The following ATP8A2 variants were observed in gnomAD, a reference collection of about 807,000 sequenced individuals.
The protein encoded by ATP8A2 is ATPase phospholipid transporting 8A2.
A neutral mutation model predicts 165.6 loss-of-function variants in ATP8A2; 100 were observed. The observed-to-expected ratio is 0.60, with a 90% CI of 0.51 to 0.71. ATP8A2 has a LOEUF of 0.71. ATP8A2 is among the 30% of genes least tolerant of loss of function. The pLI is 0.00. For missense variants in ATP8A2, 1,227 were observed against 1,479.5 expected, an observed-to-expected ratio of 0.83 and a Z score of 2.80; for synonymous variants, 543 against 548.8, an observed-to-expected ratio of 0.99 and a Z score of 0.15.
rs1020468387 is a variant in ATP8A2, at chr13:25,890,379, TTAGA to T, written c.3183+27976_3183+27979del. On this transcript the variant is annotated intron_variant, in intron 33 of 36. Coordinates refer to ENST00000381655, the MANE Select transcript of ATP8A2 (RefSeq NM_016529.6). Reference sequence around the variant, plus strand: ...TAACAGAACGCCTGGTACACAAATATTAGATAGAAGAAAAATGTACATCAGTTAA... The same window carrying T: ...TAACAGAACGCCTGGTACACAAATATTAGAAGAAAAATGTACATCAGTTAA... 7.9e-5 allele frequency among the ~76,000 whole-genome samples: 12 copies of T among 152,312 alleles called. No homozygotes were observed. The East Asian group carries it at 9.7e-4, about 12-fold the overall frequency.
chr13:26,003,036 A>G (rs1004522076), intron 35 of ATP8A2, among the ~76,000 whole-genome samples: 11 of 152,106 alleles, frequency 7.2e-5, no homozygotes, highest in Admixed American at 6.6e-4. Flanking sequence ...CCTTTGGATT[A>G]TATACCCAGA....
At chr13:25,924,573 C>T (rs1954545546) in intron 33 of ATP8A2, among the ~76,000 whole-genome samples, 2 of 152,072 alleles carry the variant, frequency 1.3e-5, no homozygotes, top group South Asian at 4.1e-4. Context: ...CTAATTGTAT[C>T]TGCAATGACC....
intron 1 of ATP8A2, among the ~76,000 whole-genome samples, chr13:25,462,726 C>G (rs945607191): frequency 2.6e-5 from 4 of 152,174 alleles, no homozygotes; most frequent in African/African-American, 9.7e-5. Context: ...CATGATTGGC[C>G]TTTCTGGGAT....
intron 2 of ATP8A2, among the ~76,000 whole-genome samples, chr13:25,528,434 G>A (rs1000310468): frequency 6.6e-6 from 1 of 152,206 alleles, no homozygotes; most frequent in African/African-American, 2.4e-5. Flanking sequence ...CTGAGGCAGT[G>A]GCAGATGGGA....
intron 2 of ATP8A2, among the ~76,000 whole-genome samples, chr13:25,528,950 G>A (rs1593466877): frequency 6.6e-6 from 1 of 151,904 alleles, no homozygotes; most frequent in Admixed American, 6.6e-5. Context: ...TATATTAGGT[G>A]TATCTCCTAA....
chr13:25,876,398 AAAG>A (rs1451868542), intron 33 of ATP8A2, among the ~76,000 whole-genome samples: 1 of 152,214 alleles, frequency 6.6e-6, no homozygotes, highest in Non-Finnish European at 1.5e-5. Flanking sequence ...TGAGTGCAGT[AAAG>A]AAGCAGAACT....
At chr13:25,850,162 A>G (rs897506544) in intron 30 of ATP8A2, among the ~76,000 whole-genome samples, 1 of 152,104 alleles carries the variant, frequency 6.6e-6, no homozygotes, top group African/African-American at 2.4e-5. Flanking sequence ...TGCCAGCCCC[A>G]CTGATGCGAT....
intron 10 of ATP8A2, among the ~76,000 whole-genome samples, chr13:25,546,903 G>T (rs945142952): frequency 2.0e-5 from 3 of 152,070 alleles, no homozygotes; most frequent in Admixed American, 6.6e-5. Flanking sequence ...GCTGAGGCGG[G>T]TGGATCACTT....
rs180950156 is a variant in ATP8A2 at position 25,375,578 on chromosome 13, A to C, written c.76+3290A>C. Among the ~76,000 whole-genome samples, 217 of 128,888 alleles carry C rather than the reference A, an allele frequency of 1.7e-3. 2 individuals carry two copies. Among genetic ancestry groups the C allele is most frequent in the African/African-American group, 7.2e-3 (203 of 28,174 alleles). 84.6% of individuals were successfully genotyped at this position (128,888 alleles called of 152,430 possible). A position where few individuals can be genotyped will look rare whatever the true frequency, so the allele number is the denominator to read the frequency against. On this transcript the variant is annotated intron_variant, in intron 1 of 36. Coordinates refer to ENST00000381655, the MANE Select transcript of ATP8A2 (RefSeq NM_016529.6). The stretch of plus-strand genomic sequence containing the variant: ...CCAAGTGCAGAACCCAGAGGACTAC[A>C]AATATTCTTTTTTTTTTTTTATTTT...
At chr13:25,391,833 G>A (rs1032265552) in intron 1 of ATP8A2, among the ~76,000 whole-genome samples, 1 of 152,198 alleles carries the variant, frequency 6.6e-6, no homozygotes, top group African/African-American at 2.4e-5. Context: ...AGTGGATGGA[G>A]GGTTCAGGGA....
chr13:25,563,973 G>C lies in ATP8A2; in HGVS notation c.1415G>C (p.Cys472Ser), dbSNP rs2039238058. 1 of 1,612,740 alleles carries C rather than the reference G, an allele frequency of 6.2e-7. No homozygotes were observed. Reference protein sequence around the residue: ...SDDFCRMPPPCSDSCDFDDPR... With the variant: ...SDDFCRMPPPSSDSCDFDDPR... The stretch of plus-strand genomic sequence containing the variant: ...TCTTACAGTCGGATGCCTCCTCCCT[G>C]TAGTGATTCCTGTGACTTTGATGAC... Residue 472 changes from cysteine (C) to serine (S), a missense_variant, in exon 16 of 37, where the codon TGT becomes TCT. By Grantham distance (112) the Cys-to-Ser change is moderately radical. Transcript: ENST00000381655.
intron 1 of ATP8A2, among the ~76,000 whole-genome samples, chr13:25,399,240 C>T (rs2033538159): frequency 6.6e-6 from 1 of 151,938 alleles, no homozygotes; most frequent in Non-Finnish European, 1.5e-5. Flanking sequence ...TGGCTGTTTC[C>T]CACCCTCAGA....
chr13:25,971,484 G>A (rs1281451023), intron 35 of ATP8A2, among the ~76,000 whole-genome samples: 1 of 151,990 alleles, frequency 6.6e-6, no homozygotes, highest in African/African-American at 2.4e-5. Flanking sequence ...ACCCCTCCCT[G>A]TTCCTTCTTT....
At chr13:25,840,596 T>C (rs1951728960) in intron 30 of ATP8A2, among the ~76,000 whole-genome samples, 1 of 152,236 alleles carries the variant, frequency 6.6e-6, no homozygotes, top group African/African-American at 2.4e-5. Context: ...TTATGCTTTC[T>C]AGCCCCACCC....
chr13:25,946,024 ACAGCTGAC>A, intron 33 of ATP8A2, among the ~76,000 whole-genome samples: 1 of 152,324 alleles, frequency 6.6e-6, no homozygotes, highest in Middle Eastern at 3.4e-3. Context: ...GAGTGGGAGC[ACAGCTGAC>A]CAGGCTAGGC....
At chr13:25,606,634 T>C (rs1196874048) in intron 24 of ATP8A2, among the ~76,000 whole-genome samples, 2 of 152,162 alleles carry the variant, frequency 1.3e-5, no homozygotes, top group African/African-American at 2.4e-5. Flanking sequence ...TTGCCCCTTA[T>C]TACCAGGAAA....
chr13:25,777,898 C>T (rs76072141), intron 27 of ATP8A2, among the ~76,000 whole-genome samples: 4,009 of 152,324 alleles, frequency 0.026, 169 homozygotes, highest in African/African-American at 0.091. Flanking sequence ...CCTCCACTCT[C>T]GCCCCCAAAC....
At chr13:25,608,270 C>T (rs548905332) in intron 24 of ATP8A2, among the ~76,000 whole-genome samples, 1 of 152,278 alleles carries the variant, frequency 6.6e-6, no homozygotes, top group African/African-American at 2.4e-5. Context: ...AGCAAATCTC[C>T]ACATGAGATT....
intron 1 of ATP8A2, among the ~76,000 whole-genome samples, chr13:25,454,469 C>T (rs187076408): frequency 3.8e-4 from 58 of 152,080 alleles, no homozygotes; most frequent in African/African-American, 1.3e-3. Flanking sequence ...TGGGATTGGG[C>T]CCAGAAAGCC....
Sources: gnomAD v4.1 joint callset for allele counts (sites outside exome capture counted in the v4.1 genomes callset) on GRCh38, gnomAD v4.1.1 for gene constraint, MANE v1.5 for transcripts, NCBI Gene and HGNC (gene_info 2026-07-23, HGNC 2026-07-21) for gene names.